The following ROBO2 variants were observed in gnomAD, a reference collection of about 807,000 sequenced individuals.
ROBO2 encodes the protein roundabout homolog 2.
A neutral mutation model predicts 160.8 loss-of-function variants in ROBO2; 53 were observed. That is an observed-to-expected ratio of 0.33 (90% confidence interval 0.26 to 0.41). The LOEUF is 0.41. Among genes scored for constraint, ROBO2 ranks in the 10% least tolerant of loss-of-function variants. The pLI is 1.00. For synonymous variants in ROBO2, 664 were observed against 611.7 expected, an observed-to-expected ratio of 1.09 and a Z score of -1.26; for missense variants, 1,577 against 1,722.4, an observed-to-expected ratio of 0.92 and a Z score of 1.49.
chr3:77,597,328 A>T (rs896110423), intron 19 of ROBO2, among the ~76,000 whole-genome samples: 6 of 131,464 alleles, frequency 4.6e-5, no homozygotes, highest in African/African-American at 1.3e-4. Flanking sequence ...AATAAATAAA[A>T]AAGACAAAAA....
chr3:76,494,053 GCA>G (rs1308852206), intron 2 of ROBO2, among the ~76,000 whole-genome samples: 78 of 152,272 alleles, frequency 5.1e-4, no homozygotes, highest in African/African-American at 1.6e-3. Flanking sequence ...AATGTTCACA[GCA>G]GCACCAACCA....
chr3:76,592,906 A>C (rs1465676560), intron 2 of ROBO2, among the ~76,000 whole-genome samples: 1 of 152,030 alleles, frequency 6.6e-6, no homozygotes, highest in Admixed American at 6.6e-5. Flanking sequence ...CATTCTTACT[A>C]ATTCCCTCAA....
At chr3:76,387,919 G>T (rs972622557) in intron 2 of ROBO2, among the ~76,000 whole-genome samples, 1 of 152,166 alleles carries the variant, frequency 6.6e-6, no homozygotes, top group Admixed American at 6.5e-5. Flanking sequence ...GCAGTTATAT[G>T]AAAAATTAGA....
rs1399274052 is a variant in ROBO2 at position 77,632,728 on chromosome 3, GTTCT to G, written c.3761-2137_3761-2134del. The G allele has an allele frequency of 7.4e-6, 10 of 1,344,040 alleles. No individual in the cohort carries two copies. The Admixed American group carries it at 1.9e-4, about 26-fold the overall frequency. The allele number at this position is 1,344,040 out of a possible 1,614,324, so 83.3% of individuals were successfully genotyped here. On this transcript the variant is annotated intron_variant, in intron 23 of 25. Coordinates refer to ENST00000461745, the Ensembl canonical transcript of ROBO2. ...CTTGGACACTGTCCTCTTTTCTCCT[GTTCT>G]TTCTCCTTAGTGAGTCTGACTGTAG... is the stretch of plus-strand genomic sequence containing the variant.
At chr3:75,908,959 G>A (rs764723730) in intron 1 of ROBO2, among the ~76,000 whole-genome samples, 1 of 152,204 alleles carries the variant, frequency 6.6e-6, no homozygotes, top group Non-Finnish European at 1.5e-5. Context: ...GACAGAACCT[G>A]CTTTCAGGCT....
intron 2 of ROBO2, among the ~76,000 whole-genome samples, chr3:76,631,427 A>G (rs1416758805): frequency 6.6e-6 from 1 of 152,174 alleles, no homozygotes; most frequent in Non-Finnish European, 1.5e-5. Flanking sequence ...ACGGGTAGAA[A>G]AAAAAAAGTA....
rs775289235 is a variant in ROBO2, at chr3:76,946,351, C to T, written c.110-151663C>T. 1.3e-4 allele frequency among the ~76,000 whole-genome samples: 20 copies of T among 151,100 alleles called. No homozygotes were observed. In the South Asian group the frequency reaches 2.7e-3, roughly 20 times the overall value. ...TTTCTCACACACGTACTGATTACCA[C>T]TCAGTTGATTACTTGAAAAGGACCC... On this transcript the variant is annotated intron_variant, in intron 2 of 26. Transcript: ENST00000487694.
intron 2 of ROBO2, among the ~76,000 whole-genome samples, chr3:76,934,238 T>C (rs2077538999): frequency 6.6e-6 from 1 of 152,120 alleles, no homozygotes. Flanking sequence ...AACCACTTTT[T>C]AGGTACAAAA....
chr3:76,762,208 T>C (rs2061344438), intron 2 of ROBO2, among the ~76,000 whole-genome samples: 1 of 151,574 alleles, frequency 6.6e-6, no homozygotes, highest in Admixed American at 6.6e-5. Context: ...CTTTTAAAGC[T>C]ATTTTATGCA....
intron 2 of ROBO2, among the ~76,000 whole-genome samples, chr3:76,750,619 G>A (rs553895338): frequency 6.6e-6 from 1 of 152,004 alleles, no homozygotes; most frequent in Non-Finnish European, 1.5e-5. Context: ...AAATCAATGT[G>A]CAAAAATCAC....
intron 2 of ROBO2, among the ~76,000 whole-genome samples, chr3:77,011,290 G>T (rs1401155105): frequency 6.6e-6 from 1 of 151,946 alleles, no homozygotes; most frequent in Non-Finnish European, 1.5e-5. Flanking sequence ...CTAGTTCAGG[G>T]TCTCCCCTAT....
At chr3:76,107,738 A>G (rs961126938) in intron 2 of ROBO2, among the ~76,000 whole-genome samples, 6 of 152,216 alleles carry the variant, frequency 3.9e-5, no homozygotes, top group Non-Finnish European at 7.4e-5. Context: ...CACATCTGAA[A>G]TCCCTATTTT....
chr3:77,053,357 A>G (rs1424365093), intron 1 of ROBO2, among the ~76,000 whole-genome samples: 2 of 152,164 alleles, frequency 1.3e-5, no homozygotes, highest in African/African-American at 2.4e-5. Context: ...TTTATATAGC[A>G]GCTTAGTCTG....
intron 2 of ROBO2, among the ~76,000 whole-genome samples, chr3:76,573,903 G>C (rs2085117486): frequency 6.6e-6 from 1 of 152,002 alleles, no homozygotes; most frequent in Non-Finnish European, 1.5e-5. Context: ...CCTTGGCCTA[G>C]TTTAAATGCT....
intron 23 of ROBO2, among the ~76,000 whole-genome samples, chr3:77,626,278 A>G (rs2153709238): frequency 6.6e-6 from 1 of 152,272 alleles, no homozygotes; most frequent in South Asian, 2.1e-4. Flanking sequence ...TTAATTTTAG[A>G]TGTGACTTTT....
chr3:76,056,917 AC>A (rs1195123860), intron 2 of ROBO2, among the ~76,000 whole-genome samples: 2 of 152,204 alleles, frequency 1.3e-5, no homozygotes, highest in African/African-American at 4.8e-5. Context: ...TTAAAACAAA[AC>A]AAAACAGCTA....
chr3:76,320,320 C>A (rs777533049), intron 2 of ROBO2, among the ~76,000 whole-genome samples: 1 of 151,900 alleles, frequency 6.6e-6, no homozygotes, highest in Non-Finnish European at 1.5e-5. Flanking sequence ...TATTATTATT[C>A]AGAAAAATTA....
chr3:76,755,001 T>G (rs2108290120), intron 2 of ROBO2, among the ~76,000 whole-genome samples: 1 of 152,024 alleles, frequency 6.6e-6, no homozygotes, highest in East Asian at 1.9e-4. Context: ...TCTAGTGATC[T>G]ACCTACACAT....
intron 2 of ROBO2, among the ~76,000 whole-genome samples, chr3:76,681,185 T>C (rs1158331600): frequency 6.6e-6 from 1 of 152,188 alleles, no homozygotes; most frequent in Non-Finnish European, 1.5e-5. Context: ...TAAGAGGTTT[T>C]TATGATGTTG....
Sources: allele counts gnomAD v4.1 joint callset (sites outside exome capture counted in the v4.1 genomes callset), GRCh38; gene constraint gnomAD v4.1.1; transcripts MANE v1.5; gene names NCBI Gene and HGNC (gene_info 2026-07-23, HGNC 2026-07-21).